Variants in MROH6 observed in about 807,000 individuals in gnomAD.
MROH6 encodes maestro heat-like repeat-containing protein family member 6.
Under a neutral mutation model 67.7 loss-of-function variants are expected in MROH6, and 62 were observed. That is an observed-to-expected ratio of 0.92 (90% CI 0.75 to 1.13). The LOEUF is 1.13. MROH6 is among the 50% of genes most tolerant of loss of function. The probability of loss-of-function intolerance (pLI) is 0.00; values close to 1 mark genes in which losing one functional copy is unlikely to be tolerated. For missense variants in MROH6, 1,175 were observed against 1,029.1 expected, an observed-to-expected ratio of 1.14 and a Z score of -1.94; for synonymous variants, 566 against 470.8, an observed-to-expected ratio of 1.20 and a Z score of -2.62.
chr8:143,571,200 G>A (rs1479362764), intron 3 of MROH6, among the ~76,000 whole-genome samples: 1 of 152,202 alleles, frequency 6.6e-6, no homozygotes, highest in Non-Finnish European at 1.5e-5. Context: ...ATCTCAAGCT[G>A]AGCTGCAGGG....
chr8:143,567,589 C>A (rs1465452691), intron 13 of MROH6, 22 bp downstream of exon 13: 1 of 1,549,370 alleles, frequency 6.5e-7, no homozygotes, highest in Non-Finnish European at 8.7e-7. Flanking sequence ...GGACACCATC[C>A]CCTGGCAAGG....
At position 143,570,046 on chromosome 8, in the gene MROH6, C is replaced by A. The variant is rs748151785; in HGVS notation, c.1063G>T (p.Asp355Tyr). The change falls in exon 7 of 14, where the codon GAC becomes TAC. Residue 355 changes from aspartate to tyrosine, a missense_variant. Transcript: ENST00000398882. ...LLASAMVAHA[D>Y]HHLRGLFADL... is the part of the protein sequence containing the mutation. ...GCGAAGAGGCCTCGCAGGTGGTGGT[C>A]GGCATGTGCCACCATAGCACTGGGG... The A allele has an allele frequency of 6.2e-7, 1 of 1,611,600 alleles. No individual in the cohort carries two copies. The highest frequency in any genetic ancestry group is 8.5e-7 in the Non-Finnish European group (1 of 1,179,802).
Position 143,567,153 on chromosome 8 carries a change from G to A in MROH6, c.*86C>T. On this transcript the variant is annotated 3_prime_UTR_variant, in exon 14 of 14. Coordinates refer to ENST00000398882, the MANE Select transcript of MROH6 (RefSeq NM_001100878.2). ...ATTGGCGTCCAGCACCAGGCCCAGG[G>A]AGCCCCTCCGTCAGGGCGGGGACAG... 5.5e-6 allele frequency: 4 copies of A among 732,516 alleles called. No individual in the cohort carries two copies. The highest frequency in any genetic ancestry group is 7.4e-6 in the Non-Finnish European group (4 of 540,182). 45.4% of individuals were successfully genotyped at this position (732,516 alleles called of 1,614,324 possible).
In MROH6 at chr8:143,572,500, C is replaced by G; in HGVS notation, c.215G>C (p.Gly72Ala). ...TAPSEAEPGR[G>A]ATVPEAGSEP... ...GCTGCCAGCTTCAGGGACGGTGGCC[C>G]CACGTCCAGGCTCTGCCTCAGAGGG... The change falls in exon 1 of 14, where the codon GGG (glycine) becomes GCG (alanine). Residue 72 changes from glycine (G) to alanine (A), a missense_variant. Physicochemically the swap from Gly to Ala is moderately conservative, Grantham distance 60. Coordinates refer to ENST00000398882, the MANE Select transcript of MROH6 (RefSeq NM_001100878.2). The G allele has an allele frequency of 6.2e-7, 1 of 1,604,732 alleles. No individual in the cohort carries two copies. Among genetic ancestry groups the G allele is most frequent in the Non-Finnish European group, 8.5e-7 (1 of 1,177,178 alleles).
Position 143,571,703 on chromosome 8 carries a change from A to G in MROH6, c.566T>C (p.Val189Ala). 3 of 1,551,930 alleles carry G rather than the reference A, an allele frequency of 1.9e-6. No homozygotes were observed. The highest frequency in any genetic ancestry group is 2.6e-6 in the Non-Finnish European group (3 of 1,148,690). Residue 189 changes from valine to alanine, a missense_variant, in exon 3 of 14, where the codon GTG (valine) becomes GCG (alanine). Val to Ala is a moderately conservative substitution (Grantham distance 64, BLOSUM62 0). Transcript: ENST00000398882. Reference protein sequence around the residue: ...ALALEHARDVVCALLPRSLPA... With the variant: ...ALALEHARDVACALLPRSLPA... ...CAGAGAGCGGGGTAGCAGCGCACACACCACGTCCCGCGCATGCTCCAGGGC... is the reference window on the plus strand; with the variant it reads ...CAGAGAGCGGGGTAGCAGCGCACACGCCACGTCCCGCGCATGCTCCAGGGC...
chr8:143,570,490 T>A lies in MROH6; in HGVS notation c.888A>T (p.Pro296=). The A allele has an allele frequency of 2.5e-6, 4 of 1,612,672 alleles. No homozygotes were observed. Among genetic ancestry groups the A allele is most frequent in the Non-Finnish European group, 3.4e-6 (4 of 1,179,616 alleles). ...CCTCTCACCTGGCATGGCTATGTGG[T>A]GGCCCTCGGTGGGACAGAACCCAAA... ...PKIWVLSHRG[P]PHSHASCAVE... is the part of the protein sequence containing the mutation. Residue 296 remains proline (P), a synonymous_variant, in exon 5 of 14, where the codon CCA becomes CCT. Coordinates refer to ENST00000398882, the MANE Select transcript of MROH6 (RefSeq NM_001100878.2).
At position 143,567,637 on chromosome 8, in the gene MROH6, T is replaced by C; in HGVS notation, c.1907A>G (p.Gln636Arg). The C allele has an allele frequency of 6.4e-7, 1 of 1,572,106 alleles. No individual in the cohort carries two copies. Among genetic ancestry groups the C allele is most frequent in the Non-Finnish European group, 8.6e-7 (1 of 1,159,514 alleles). Residue 636 changes from glutamine (Q) to arginine (R), a missense_variant, in exon 13 of 14, where the codon CAG becomes CGG. Physicochemically the swap from Gln to Arg is conservative, Grantham distance 43 (BLOSUM62 1). Coordinates refer to ENST00000398882, the MANE Select transcript of MROH6 (RefSeq NM_001100878.2). ...VHHASPGCVNQDLLDSLFQDL... is the reference protein window; with the variant it reads ...VHHASPGCVNRDLLDSLFQDL... ...CTGGAACAGGGAGTCCAGCAGGTCC[T>C]GGTTGACACAGCCGGGGCTGGCGTG...
intron 4 of MROH6, 62 bp from the exon 5 acceptor site, chr8:143,570,719 G>T: frequency 1.3e-6 from 2 of 1,517,818 alleles, no homozygotes; most frequent in East Asian, 2.4e-5. Flanking sequence ...GGCAGCAGAG[G>T]GACAGGCGTG....
intron 9 of MROH6, 149 bp downstream of exon 9, chr8:143,569,292 G>A: frequency 6.1e-6 from 3 of 491,600 alleles, no homozygotes; most frequent in Non-Finnish European, 1.0e-5. Flanking sequence ...GGCGGGGCCT[G>A]GGAGGGAGAG....
At chr8:143,568,289 G>A (rs915666017) in intron 10 of MROH6, 28 bp from the exon 11 acceptor site, 6 of 1,587,174 alleles carry the variant, frequency 3.8e-6, no homozygotes, top group Non-Finnish European at 5.1e-6. Context: ...AGCCGGGTCA[G>A]GGGTCCAGGA....
Position 143,572,125 on chromosome 8 carries a change from A to G in MROH6, c.355T>C (p.Cys119Arg). ...CCTGCAAAGCCAGCCTCCTCCAGGCAGGCAGCCGTGTACAACGCGAGGTCG... is the reference window on the plus strand; with the variant it reads ...CCTGCAAAGCCAGCCTCCTCCAGGCGGGCAGCCGTGTACAACGCGAGGTCG... Reference protein sequence around the residue: ...LADLALYTAACLEEAGFAGTQ... With the variant: ...LADLALYTAARLEEAGFAGTQ... The change falls in exon 2 of 14, where the codon TGC (cysteine) becomes CGC (arginine). Residue 119 changes from cysteine (C) to arginine (R), a missense_variant. Transcript: ENST00000398882. 3 of 1,613,028 alleles carry G rather than the reference A, an allele frequency of 1.9e-6. No individual in the cohort carries two copies. The highest frequency in any genetic ancestry group is 2.5e-6 in the Non-Finnish European group (3 of 1,179,836).
Position 143,568,359 on chromosome 8 carries a change from G to A in MROH6, c.1645-98C>T, listed in dbSNP as rs548355871. 4.2e-4 allele frequency: 630 copies of A among 1,489,316 alleles called. 7 individuals are homozygous for A. Among genetic ancestry groups the A allele is most frequent in the Admixed American group, 2.1e-4 (10 of 47,814 alleles). 92.3% of individuals were successfully genotyped at this position (1,489,316 alleles called of 1,614,324 possible). On this transcript the variant is annotated intron_variant, in intron 10 of 13. Coordinates refer to ENST00000398882, the MANE Select transcript of MROH6 (RefSeq NM_001100878.2). ...GAGCAAGGGCATCGGGTGAGGGGCA[G>A]AAGAGCCCAGGGCAGGAGACTGGAT... is the stretch of plus-strand genomic sequence containing the variant.
chr8:143,571,129 C>G (rs1248531053), intron 3 of MROH6, 135 bp from the exon 4 acceptor site: 8 of 652,598 alleles, frequency 1.2e-5, no homozygotes, highest in East Asian at 5.5e-5. Flanking sequence ...CCCATCTCCC[C>G]CCATCCCCAA....
At chr8:143,572,291 G>T in intron 1 of MROH6, 106 bp from the exon 2 acceptor site, 1 of 1,533,210 alleles carries the variant, frequency 6.5e-7, no homozygotes, top group Admixed American at 1.9e-5. Flanking sequence ...TTGCTCCTCT[G>T]TTGCTCACCA....
chr8:143,570,713 G>A (rs1458233941), intron 4 of MROH6, 56 bp from the exon 5 acceptor site: 3 of 1,534,872 alleles, frequency 2.0e-6, no homozygotes, highest in Non-Finnish European at 2.6e-6. Flanking sequence ...GCACTGGGCA[G>A]CAGAGGGACA....
In MROH6 at chr8:143,567,236, G is replaced by C. The variant is rs1417043692; in HGVS notation, c.*3C>G. 9.0e-6 allele frequency: 11 copies of C among 1,220,034 alleles called. 1 individual carries two copies. The South Asian group carries it at 4.1e-4, about 46-fold the overall frequency. The allele number at this position is 1,220,034 out of a possible 1,614,324, so 75.6% of individuals were successfully genotyped here. On this transcript the variant is annotated 3_prime_UTR_variant, in exon 14 of 14. Coordinates refer to ENST00000398882, the MANE Select transcript of MROH6 (RefSeq NM_001100878.2). Reference sequence around the variant, plus strand: ...CCTGGCCCTCGGGCCCCAGCCCCGAGCCTCAGGCTCGGCGGGGTCCGGAGC... The same window carrying C: ...CCTGGCCCTCGGGCCCCAGCCCCGACCCTCAGGCTCGGCGGGGTCCGGAGC...
At chr8:143,570,752 C>T in intron 4 of MROH6, 95 bp from the exon 5 acceptor site, 2 of 1,443,038 alleles carry the variant, frequency 1.4e-6, no homozygotes, top group Non-Finnish European at 1.9e-6. Context: ...TGGGGACAGC[C>T]TCAGACACGC....
Position 143,569,622 on chromosome 8 carries a change from G to A in MROH6, c.1303-8C>T. On this transcript the variant is annotated splice_region_variant and splice_polypyrimidine_tract_variant and intron_variant, in intron 8 of 13. Transcript: ENST00000398882. The stretch of plus-strand genomic sequence containing the variant: ...CGTGCTCACGTGCCGCACCTGCTGG[G>A]ACTCGGGGTCAGCCTCTTGCAGACC... The A allele has an allele frequency of 6.3e-7, 1 of 1,583,696 alleles. No individual in the cohort carries two copies. Among genetic ancestry groups the A allele is most frequent in the Non-Finnish European group, 8.6e-7 (1 of 1,164,588 alleles).
At position 143,570,226 on chromosome 8, in the gene MROH6, C is replaced by T. The variant is rs976043702; in HGVS notation, c.1043+17G>A. 6.4e-7 allele frequency: 1 copy of T among 1,566,096 alleles called. No individual in the cohort carries two copies. The highest frequency in any genetic ancestry group is 8.6e-7 in the Non-Finnish European group (1 of 1,157,792). ...TTCCTGGTGTGACACCCTGGGGCCC[C>T]TCCTCACCCTCCTCACCTGGCCAGC... is the stretch of plus-strand genomic sequence containing the variant. On this transcript the variant is annotated intron_variant, in intron 6 of 13. Coordinates refer to ENST00000398882, the MANE Select transcript of MROH6 (RefSeq NM_001100878.2).
Sources: allele counts gnomAD v4.1 joint callset (sites outside exome capture counted in the v4.1 genomes callset), GRCh38; gene constraint gnomAD v4.1.1; transcripts MANE v1.5; gene names NCBI Gene and HGNC (gene_info 2026-07-23, HGNC 2026-07-21).